ROBO1: variants seen among roughly 807,000 people sequenced by gnomAD.
ROBO1 encodes roundabout homolog 1.
A neutral mutation model predicts 195.9 loss-of-function variants in ROBO1; 149 were observed. The ratio of observed to expected loss-of-function variants is 0.76; its 90% CI spans 0.67 to 0.87. ROBO1 has a LOEUF of 0.87. ROBO1 is among the 40% of genes least tolerant of loss of function. The probability of loss-of-function intolerance (pLI) is 0.00; values close to 1 mark genes in which losing one functional copy is unlikely to be tolerated. For synonymous variants in ROBO1, 816 were observed against 733.2 expected, an observed-to-expected ratio of 1.11 and a Z score of -1.82; for missense variants, 1,933 against 2,068.3, an observed-to-expected ratio of 0.93 and a Z score of 1.27.
chr3:79,524,809 GA>G (rs1351996829), intron 2 of ROBO1, among the ~76,000 whole-genome samples: 1 of 151,928 alleles, frequency 6.6e-6, no homozygotes, highest in African/African-American at 2.4e-5. Context: ...AATTTTAATT[GA>G]ATTGAAACAA....
At chr3:79,568,092 T>C (rs1943148864) in intron 2 of ROBO1, among the ~76,000 whole-genome samples, 1 of 152,102 alleles carries the variant, frequency 6.6e-6, no homozygotes, top group South Asian at 2.1e-4. Context: ...CACCTCTCTT[T>C]ATAGACGCAC....
intron 2 of ROBO1, among the ~76,000 whole-genome samples, chr3:79,423,798 T>C (rs2038331277): frequency 6.6e-6 from 1 of 152,106 alleles, no homozygotes; most frequent in South Asian, 2.1e-4. Flanking sequence ...CACAGGTATA[T>C]GTACAAGGAA....
intron 3 of ROBO1, among the ~76,000 whole-genome samples, chr3:78,942,248 T>C (rs2040182260): frequency 6.6e-6 from 1 of 151,840 alleles, no homozygotes; most frequent in South Asian, 2.1e-4. Context: ...TGCAGTGAGC[T>C]GAGATCACAC....
intron 3 of ROBO1, among the ~76,000 whole-genome samples, chr3:79,070,734 C>T (rs1381988014): frequency 6.6e-6 from 1 of 151,610 alleles, no homozygotes; most frequent in East Asian, 1.9e-4. Flanking sequence ...GAGCCATGTA[C>T]CTCTTTATCT....
chr3:79,196,379 A>G (rs1351297566), intron 2 of ROBO1, among the ~76,000 whole-genome samples: 2 of 150,040 alleles, frequency 1.3e-5, no homozygotes, highest in Admixed American at 1.3e-4. Context: ...CACACGCACC[A>G]AGAGAGAGAG....
Position 78,873,559 on chromosome 3 carries a change from C to A in ROBO1, c.499+65042G>T, listed in dbSNP as rs145671132. On this transcript the variant is annotated intron_variant, in intron 4 of 30. Transcript: ENST00000464233. ...CTTACCTATGAGTAAATAAAAAATA[C>A]GAAGCCAATTTTGGAAAATATTCCT... 1.4e-3 allele frequency among the ~76,000 whole-genome samples: 214 copies of A among 151,926 alleles called. 4 individuals are homozygous for A. The East Asian group carries it at 0.033, about 24-fold the overall frequency.
At chr3:79,067,413 A>G (rs2079021455) in intron 3 of ROBO1, among the ~76,000 whole-genome samples, 1 of 151,970 alleles carries the variant, frequency 6.6e-6, no homozygotes, top group Non-Finnish European at 1.5e-5. Flanking sequence ...TTATTTATGA[A>G]GTTAGTTTCA....
At chr3:79,202,908 A>G (rs914258158) in intron 2 of ROBO1, among the ~76,000 whole-genome samples, 1 of 152,126 alleles carries the variant, frequency 6.6e-6, no homozygotes, top group Non-Finnish European at 1.5e-5. Context: ...TTCACAATTT[A>G]ATAGGATTCG....
intron 13 of ROBO1, 39 bp from the exon 14 acceptor site, chr3:78,668,088 T>C (rs1260064784): frequency 2.5e-6 from 4 of 1,611,054 alleles, no homozygotes; most frequent in Non-Finnish European, 3.4e-6. Flanking sequence ...GCGTATTTAA[T>C]GGAGAATCAA....
chr3:78,695,141 A>G (rs1464610883), intron 8 of ROBO1, among the ~76,000 whole-genome samples: 2 of 141,472 alleles, frequency 1.4e-5, no homozygotes, highest in African/African-American at 5.1e-5. Context: ...AGGGGGGAGG[A>G]CTAGCATTAG....
At chr3:78,874,523 C>T (rs977260031) in intron 4 of ROBO1, among the ~76,000 whole-genome samples, 2 of 151,762 alleles carry the variant, frequency 1.3e-5, no homozygotes, top group African/African-American at 4.8e-5. Context: ...GAGGTCTTAA[C>T]AACCAGTACT....
intron 3 of ROBO1, among the ~76,000 whole-genome samples, chr3:79,059,134 T>G (rs1182169244): frequency 6.6e-6 from 1 of 152,122 alleles, no homozygotes; most frequent in Non-Finnish European, 1.5e-5. Context: ...ACTTCAGATT[T>G]CTTCATCACC....
chr3:78,744,829 T>G (rs1576071057), intron 5 of ROBO1, among the ~76,000 whole-genome samples: 2 of 152,246 alleles, frequency 1.3e-5, no homozygotes, highest in East Asian at 3.8e-4. Flanking sequence ...TTTAACTTAC[T>G]GTATGTTACA....
chr3:79,484,001 C>T (rs1019112381), intron 2 of ROBO1, among the ~76,000 whole-genome samples: 3 of 152,060 alleles, frequency 2.0e-5, no homozygotes, highest in African/African-American at 7.2e-5. Flanking sequence ...ATCAGGAGAC[C>T]TAACTGCTTT....
intron 4 of ROBO1, among the ~76,000 whole-genome samples, chr3:78,757,461 A>T (rs1465179859): frequency 6.6e-6 from 1 of 151,820 alleles, no homozygotes; most frequent in Non-Finnish European, 1.5e-5. Context: ...ACACACTCAC[A>T]AACTCACACT....
In ROBO1 at chr3:78,646,201, ACG is replaced by A; in HGVS notation, c.2840-13_2840-12del. ...CTCTCTGGTAAGTTACTAGAATGTT[ACG>A]AAAAAAAAAAGGAACAATTAATAGA... On this transcript the variant is annotated splice_polypyrimidine_tract_variant and intron_variant, in intron 20 of 30. Transcript: ENST00000464233. 6.2e-7 allele frequency: 1 copy of A among 1,604,736 alleles called. No homozygotes were observed. Among genetic ancestry groups the A allele is most frequent in the Non-Finnish European group, 8.5e-7 (1 of 1,173,638 alleles).
intron 2 of ROBO1, among the ~76,000 whole-genome samples, chr3:79,291,882 G>A: frequency 6.6e-6 from 1 of 152,268 alleles, no homozygotes; most frequent in East Asian, 1.9e-4. Context: ...AAATATTTAA[G>A]AGGAGGAGAA....
intron 1 of ROBO1, among the ~76,000 whole-genome samples, chr3:79,677,370 CAT>C (rs1946814152): frequency 6.6e-6 from 1 of 151,864 alleles, no homozygotes; most frequent in African/African-American, 2.4e-5. Flanking sequence ...ATAGAGAACT[CAT>C]AGTTTCACGT....
chr3:78,881,517 T>C (rs972549819), intron 4 of ROBO1, among the ~76,000 whole-genome samples: 1 of 152,236 alleles, frequency 6.6e-6, no homozygotes, highest in African/African-American at 2.4e-5. Flanking sequence ...TTGGCTAATT[T>C]TGAAGAGTAT....
Sources: allele counts gnomAD v4.1 joint callset (sites outside exome capture counted in the v4.1 genomes callset), GRCh38; gene constraint gnomAD v4.1.1; transcripts MANE v1.5; gene names NCBI Gene and HGNC (gene_info 2026-07-23, HGNC 2026-07-21).